Variants in PLEKHG1 observed in about 807,000 individuals in gnomAD.
PLEKHG1 encodes the protein pleckstrin homology and RhoGEF domain containing G1, also known as pleckstrin homology domain-containing family G member 1.
Under a neutral mutation model 100.8 loss-of-function variants are expected in PLEKHG1, and 44 were observed. The ratio of observed to expected loss-of-function variants is 0.44; its 90% confidence interval spans 0.34 to 0.56. PLEKHG1 has a LOEUF of 0.56. Ranked by LOEUF, PLEKHG1 falls within the 20% of genes least tolerant of loss-of-function variation. The pLI is 0.01. For missense variants in PLEKHG1, 1,545 were observed against 1,720.9 expected, an observed-to-expected ratio of 0.90 and a Z score of 1.81; for synonymous variants, 640 against 662.5, an observed-to-expected ratio of 0.97 and a Z score of 0.52.
At chr6:150,792,412 A>G (rs1383444702) in intron 4 of PLEKHG1, among the ~76,000 whole-genome samples, 2 of 150,958 alleles carry the variant, frequency 1.3e-5, no homozygotes, top group Admixed American at 6.6e-5. Context: ...GGTGGCTCAC[A>G]CCTGTAATCC....
intron 3 of PLEKHG1, among the ~76,000 whole-genome samples, chr6:150,684,819 T>C (rs1780063683): frequency 6.6e-6 from 1 of 152,044 alleles, no homozygotes; most frequent in Non-Finnish European, 1.5e-5. Flanking sequence ...AATGACTTCA[T>C]GGGCTTGCTG....
intron 2 of PLEKHG1, among the ~76,000 whole-genome samples, chr6:150,754,115 A>T (rs1783684343): frequency 6.6e-6 from 1 of 152,226 alleles, no homozygotes; most frequent in African/African-American, 2.4e-5. Context: ...CCTGACCCAG[A>T]CAGGGGACAG....
intron 1 of PLEKHG1, among the ~76,000 whole-genome samples, chr6:150,727,201 A>G (rs1335130146): frequency 6.6e-6 from 1 of 152,224 alleles, no homozygotes; most frequent in Non-Finnish European, 1.5e-5. Flanking sequence ...TAGAATAGCA[A>G]TGAGCAGAAT....
chr6:150,691,838 A>G (rs1044841147), intron 3 of PLEKHG1, among the ~76,000 whole-genome samples: 1 of 152,216 alleles, frequency 6.6e-6, no homozygotes, highest in African/African-American at 2.4e-5. Context: ...TAATCACCAA[A>G]TATTTACTGA....
intron 1 of PLEKHG1, among the ~76,000 whole-genome samples, chr6:150,607,867 A>T (rs1776667430): frequency 6.6e-6 from 1 of 152,170 alleles, no homozygotes; most frequent in African/African-American, 2.4e-5. Context: ...TCTTGAGGAA[A>T]GCACTTTGGG....
At chr6:150,769,632 G>A (rs1162636232) in intron 3 of PLEKHG1, among the ~76,000 whole-genome samples, 5 of 148,690 alleles carry the variant, frequency 3.4e-5, no homozygotes, top group Non-Finnish European at 7.4e-5. Flanking sequence ...AAAAACATAA[G>A]TTCGTAGACT....
Position 150,702,599 on chromosome 6 carries a change from T to C in PLEKHG1, c.-98-30985T>C, listed in dbSNP as rs112646884. Among the ~76,000 whole-genome samples the C allele has an allele frequency of 2.7e-5, 4 of 145,684 alleles. 1 individual carries two copies. The South Asian group carries it at 6.7e-4, about 24-fold the overall frequency. ...GTGTGTGTGTGTGTGTGTACTTATA[T>C]ATATGTCATCCAGTACCCAAATTGT... On this transcript the variant is annotated intron_variant, in intron 3 of 3. Coordinates refer to the PLEKHG1 transcript ENST00000367326.
intron 1 of PLEKHG1, among the ~76,000 whole-genome samples, chr6:150,731,101 A>G (rs9478804): frequency 0.18 from 27,084 of 151,980 alleles, 3,732 homozygotes; most frequent in African/African-American, 0.38. Flanking sequence ...TTGGACTGCC[A>G]TGACTTTCTC....
chr6:150,617,575 G>T (rs1304074312), intron 1 of PLEKHG1, among the ~76,000 whole-genome samples: 1 of 152,162 alleles, frequency 6.6e-6, no homozygotes, highest in Non-Finnish European at 1.5e-5. Flanking sequence ...AAATCTCCTT[G>T]TCTCTGTTTC....
intron 1 of PLEKHG1, among the ~76,000 whole-genome samples, chr6:150,612,053 C>A (rs952646298): frequency 7.6e-5 from 8 of 104,986 alleles, no homozygotes; most frequent in South Asian, 4.5e-4. Flanking sequence ...GTTCCCCCCC[C>A]CCCCCCCTTT....
chr6:150,778,596 A>G (rs911122985), intron 3 of PLEKHG1, among the ~76,000 whole-genome samples: 2 of 152,092 alleles, frequency 1.3e-5, no homozygotes, highest in Admixed American at 6.6e-5. Flanking sequence ...ATACAATGTG[A>G]TATTATGTTG....
At chr6:150,767,386 T>C (rs547965690) in intron 2 of PLEKHG1, among the ~76,000 whole-genome samples, 4 of 152,244 alleles carry the variant, frequency 2.6e-5, no homozygotes, top group Non-Finnish European at 4.4e-5. Flanking sequence ...AGAAGAAAAG[T>C]TGTTACCACA....
chr6:150,788,028 C>T (rs1785736853), intron 4 of PLEKHG1, among the ~76,000 whole-genome samples: 1 of 152,232 alleles, frequency 6.6e-6, no homozygotes, highest in African/African-American at 2.4e-5. Flanking sequence ...TAGAAGCTTT[C>T]GGAAACGTTT....
intron 3 of PLEKHG1, among the ~76,000 whole-genome samples, chr6:150,697,960 T>G (rs1030794614): frequency 5.3e-5 from 8 of 152,084 alleles, no homozygotes; most frequent in Non-Finnish European, 1.0e-4. Context: ...TTTTTTTGTT[T>G]GTTTTTAAAG....
chr6:150,800,244 G>A (rs2128662634), intron 5 of PLEKHG1, among the ~76,000 whole-genome samples: 1 of 152,114 alleles, frequency 6.6e-6, no homozygotes, highest in Non-Finnish European at 1.5e-5. Flanking sequence ...CAGCAGAGGG[G>A]GTGATTAAAT....
In PLEKHG1 at chr6:150,771,924, G is replaced by A. The variant is rs114016740; in HGVS notation, c.512+3186G>A. 7.2e-3 allele frequency among the ~76,000 whole-genome samples: 1,092 copies of A among 152,248 alleles called. 11 individuals are homozygous for A. The highest frequency in any genetic ancestry group is 0.025 in the African/African-American group (1,035 of 41,538). Reference sequence around the variant, plus strand: ...AAGACATTCTGTCAAAGAGTCAGGCGTGGCTCATGGGAGTTTGTCATATTA... The same window carrying A: ...AAGACATTCTGTCAAAGAGTCAGGCATGGCTCATGGGAGTTTGTCATATTA... On this transcript the variant is annotated intron_variant, in intron 3 of 15. Coordinates refer to ENST00000358517, the Ensembl canonical transcript of PLEKHG1.
chr6:150,624,760 A>G (rs1211917711), intron 1 of PLEKHG1: 1 of 152,218 alleles, frequency 6.6e-6, no homozygotes, highest in African/African-American at 2.4e-5. Context: ...TGATGAGGAA[A>G]GTGAAGCCTA....
At chr6:150,626,178 A>C (rs1280034094) in intron 1 of PLEKHG1, 1 of 152,158 alleles carries the variant, frequency 6.6e-6, no homozygotes, top group African/African-American at 2.4e-5. Flanking sequence ...TGTTGTACAA[A>C]ATGCATAAGA....
At chr6:150,709,703 T>TA (rs1465021924) in intron 3 of PLEKHG1, among the ~76,000 whole-genome samples, 1 of 152,234 alleles carries the variant, frequency 6.6e-6, no homozygotes, top group Non-Finnish European at 1.5e-5. Flanking sequence ...AGATCTTGTG[T>TA]CCTTTCCACA....
Sources: gnomAD v4.1 joint callset for allele counts (sites outside exome capture counted in the v4.1 genomes callset) on GRCh38, gnomAD v4.1.1 for gene constraint, MANE v1.5 for transcripts, NCBI Gene and HGNC (gene_info 2026-07-23, HGNC 2026-07-21) for gene names.